The following SND1 variants were observed in gnomAD, a reference collection of about 807,000 sequenced individuals.
SND1 encodes staphylococcal nuclease domain-containing protein 1.
Under a neutral mutation model 121.7 loss-of-function variants are expected in SND1, and 38 were observed. That is an observed-to-expected ratio of 0.31 (90% CI 0.24 to 0.41). The LOEUF (loss-of-function observed/expected upper bound fraction) is 0.41, where lower values mean the gene tolerates loss of function less well. Ranked by LOEUF, SND1 falls within the 10% of genes least tolerant of loss-of-function variation. The pLI, the probability that SND1 is intolerant of heterozygous loss-of-function variation, is 1.00. For missense variants in SND1, 868 were observed against 1,184.6 expected (o/e 0.73, Z 3.92); for synonymous variants, 401 against 447.4 (o/e 0.90, Z 1.31).
chr7:128,081,456 G>A lies in SND1; in HGVS notation c.2065G>A (p.Glu689Lys), dbSNP rs889429536. ...SASYKPVFVT[E>K]ITDDLHFYVQ... Reference sequence around the variant, plus strand: ...TAGCTACAAGCCCGTGTTTGTGACTGAGATCACTGATGACCTGCACTTCTA... The same window carrying A: ...TAGCTACAAGCCCGTGTTTGTGACTAAGATCACTGATGACCTGCACTTCTA... Residue 689 changes from glutamate to lysine, a missense_variant, in exon 18 of 24, where the codon GAG (glutamate) becomes AAG (lysine). By Grantham distance (56) the Glu-to-Lys change is moderately conservative (BLOSUM62 1). Around this residue, in one of 2 missense-constraint regions of SND1, gnomAD observed 743 missense variants for 1,071.3 expected, o/e 0.69. Coordinates refer to ENST00000354725, the MANE Select transcript of SND1 (RefSeq NM_014390.4). 1.9e-6 allele frequency: 3 copies of A among 1,614,038 alleles called. No individual in the cohort carries two copies. Among genetic ancestry groups the A allele is most frequent in the African/African-American group, 1.3e-5 (1 of 74,956 alleles).
intron 16 of SND1, among the ~76,000 whole-genome samples, chr7:128,026,687 G>C (rs1261883213): frequency 2.6e-5 from 4 of 152,184 alleles, no homozygotes. Context: ...AGGTCCCCCA[G>C]GTTCCTCGGG....
chr7:127,851,909 C>G (rs1799170900), intron 12 of SND1, among the ~76,000 whole-genome samples: 1 of 152,164 alleles, frequency 6.6e-6, no homozygotes, highest in African/African-American at 2.4e-5. Context: ...ATAATCCCAG[C>G]ACTTAAGGAG....
At chr7:127,928,746 G>A (rs1800901168) in intron 14 of SND1, among the ~76,000 whole-genome samples, 1 of 151,998 alleles carries the variant, frequency 6.6e-6, no homozygotes, top group Admixed American at 6.6e-5. Flanking sequence ...GTGCCACCAT[G>A]CCCGGCTAAT....
rs540053109 is a variant in SND1, at chr7:127,807,933, T to C, written c.1242+360T>C. 2.0e-5 allele frequency among the ~76,000 whole-genome samples: 3 copies of C among 152,238 alleles called. No homozygotes were observed. In the East Asian group the frequency reaches 5.8e-4, roughly 29 times the overall value. On this transcript the variant is annotated intron_variant, in intron 11 of 23. Coordinates refer to ENST00000354725, the MANE Select transcript of SND1 (RefSeq NM_014390.4). Reference sequence around the variant, plus strand: ...TATGGAATTTACTAGCGAGGGAAGGTTGCTGCTTTTTCATGCTTCCCCTAC... The same window carrying C: ...TATGGAATTTACTAGCGAGGGAAGGCTGCTGCTTTTTCATGCTTCCCCTAC...
chr7:127,838,470 T>TAGTA (rs1291806592), intron 11 of SND1, among the ~76,000 whole-genome samples: 1 of 152,336 alleles, frequency 6.6e-6, no homozygotes, highest in East Asian at 1.9e-4. Flanking sequence ...CTTCCTAATT[T>TAGTA]AGTAAGGCAA....
intron 13 of SND1, among the ~76,000 whole-genome samples, chr7:127,901,469 C>T (rs368532634): frequency 7.2e-5 from 11 of 152,148 alleles, no homozygotes; most frequent in African/African-American, 2.4e-4. Context: ...CACTCAGCAT[C>T]GTTCCTGCAG....
chr7:127,857,562 CA>C (rs1799303561), intron 12 of SND1, among the ~76,000 whole-genome samples: 1 of 150,338 alleles, frequency 6.7e-6, no homozygotes, highest in African/African-American at 2.5e-5. Context: ...GTTTACTTGG[CA>C]AGCAGAGTCC....
chr7:127,977,331 G>C (rs1802144373), intron 15 of SND1, among the ~76,000 whole-genome samples: 1 of 152,192 alleles, frequency 6.6e-6, no homozygotes, highest in African/African-American at 2.4e-5. Flanking sequence ...GTTCAACCCA[G>C]AGAAAATAAG....
intron 15 of SND1, among the ~76,000 whole-genome samples, chr7:127,934,690 T>G (rs528382643): frequency 1.3e-5 from 2 of 152,248 alleles, no homozygotes; most frequent in African/African-American, 4.8e-5. Flanking sequence ...ATGTCCACAA[T>G]TAAGAGCAAC....
At chr7:127,739,605 G>T (rs73723061) in intron 10 of SND1, among the ~76,000 whole-genome samples, 2,592 of 152,236 alleles carry the variant, frequency 0.017, 91 homozygotes, top group African/African-American at 0.059. Flanking sequence ...GCCCACCAGG[G>T]GAGAGTGTAA....
At chr7:127,954,823 G>A (rs1801555944) in intron 15 of SND1, among the ~76,000 whole-genome samples, 1 of 152,124 alleles carries the variant, frequency 6.6e-6, no homozygotes, top group African/African-American at 2.4e-5. Flanking sequence ...GCAGGTGATG[G>A]GAGGTGGATA....
Position 127,990,931 on chromosome 7 carries a change from T to C in SND1, c.1670-16T>C. 1 of 1,600,768 alleles carries C rather than the reference T, an allele frequency of 6.2e-7. No individual in the cohort carries two copies. Among genetic ancestry groups the C allele is most frequent in the Non-Finnish European group, 8.5e-7 (1 of 1,170,196 alleles). On this transcript the variant is annotated splice_polypyrimidine_tract_variant and intron_variant, in intron 15 of 23. Coordinates refer to ENST00000354725, the MANE Select transcript of SND1 (RefSeq NM_014390.4). ...GGCACCTTTTCATCACAGATTCTAC[T>C]TTTCTCCTGACACAGGCATTGAATG...
chr7:127,947,939 T>C (rs1250420728), intron 15 of SND1, among the ~76,000 whole-genome samples: 1 of 152,200 alleles, frequency 6.6e-6, no homozygotes, highest in African/African-American at 2.4e-5. Flanking sequence ...TCTTAGCTTT[T>C]GCACTTCTTT....
chr7:127,828,821 G>T (rs1346191338), intron 11 of SND1, among the ~76,000 whole-genome samples: 3 of 152,200 alleles, frequency 2.0e-5, no homozygotes, highest in Non-Finnish European at 4.4e-5. Context: ...AAGACCCAGA[G>T]ACTTTTCTTT....
Position 128,086,960 on chromosome 7 carries a change from G to T in SND1, c.2327G>T (p.Arg776Leu). The change falls in exon 21 of 24, where the codon CGC (arginine) becomes CTC (leucine). Residue 776 changes from arginine to leucine, a missense_variant. Physicochemically the swap from Arg to Leu is moderately radical, Grantham distance 102. Around this residue, in one of 2 missense-constraint regions of SND1, gnomAD observed 743 missense variants for 1,071.3 expected, o/e 0.69. Transcript: ENST00000354725. ...YGNREVLPST[R>L]LGTLSPAFST... Reference sequence around the variant, plus strand: ...CAGAGAGAGGTCCTGCCATCCACCCGCCTGGGTACCCTATCACCTGCCTTC... The same window carrying T: ...CAGAGAGAGGTCCTGCCATCCACCCTCCTGGGTACCCTATCACCTGCCTTC... The T allele has an allele frequency of 1.2e-6, 2 of 1,614,142 alleles. No homozygotes were observed. The highest frequency in any genetic ancestry group is 2.2e-5 in the East Asian group (1 of 44,882).
chr7:127,901,007 A>G (rs1166929886), intron 13 of SND1, among the ~76,000 whole-genome samples: 1 of 152,162 alleles, frequency 6.6e-6, no homozygotes, highest in Non-Finnish European at 1.5e-5. Flanking sequence ...TTGCCTAATG[A>G]AAAGGGATGC....
intron 16 of SND1, among the ~76,000 whole-genome samples, chr7:128,018,488 C>T (rs1037869468): frequency 9.9e-5 from 15 of 152,242 alleles, no homozygotes; most frequent in Non-Finnish European, 1.9e-4. Flanking sequence ...TTGCCTCCCT[C>T]CGTGGCCCAC....
intron 15 of SND1, among the ~76,000 whole-genome samples, chr7:127,938,916 A>G (rs1473991651): frequency 6.6e-6 from 1 of 152,212 alleles, no homozygotes; most frequent in East Asian, 1.9e-4. Context: ...AGTGGGCACA[A>G]TGCTAGGAAT....
chr7:127,662,726 C>A (rs1795336540), intron 1 of SND1, among the ~76,000 whole-genome samples: 1 of 152,062 alleles, frequency 6.6e-6, no homozygotes, highest in Non-Finnish European at 1.5e-5. Context: ...TTTGCCTTTT[C>A]TGTGGAGCGC....
Sources: gnomAD v4.1 joint callset for allele counts (sites outside exome capture counted in the v4.1 genomes callset) on GRCh38, gnomAD v4.1.1 for gene constraint, gnomAD v4.1.1 regional missense constraint, MANE v1.5 for transcripts, NCBI Gene and HGNC (gene_info 2026-07-23, HGNC 2026-07-21) for gene names.